Variants in ZNF267 observed in about 807,000 individuals in gnomAD.
ZNF267 encodes the protein zinc finger (C2H2).
ZNF267 carries 61 observed loss-of-function variants against 71.6 expected under a neutral mutation model. The ratio of observed to expected loss-of-function variants is 0.85; its 90% CI spans 0.69 to 1.05. The LOEUF is 1.05. ZNF267 is among the 50% of genes least tolerant of loss of function. The pLI, the probability that ZNF267 is intolerant of heterozygous loss-of-function variation, is 0.00. For missense variants in ZNF267, 852 were observed against 870.0 expected (o/e 0.98, Z 0.26); for synonymous variants, 288 against 293.2 (o/e 0.98, Z 0.18).
intron 3 of ZNF267, among the ~76,000 whole-genome samples, chr16:31,891,145 A>G (rs1252997000): frequency 6.6e-6 from 1 of 152,132 alleles, no homozygotes; most frequent in Non-Finnish European, 1.5e-5. Context: ...CTTAGATAAA[A>G]TATCTTATAT....
chr16:31,908,070 A>G (rs146972411), intron 3 of ZNF267, among the ~76,000 whole-genome samples: 17 of 152,138 alleles, frequency 1.1e-4, no homozygotes, highest in Admixed American at 2.0e-4. Context: ...CTAATAATAA[A>G]TACACTAGGT....
intron 3 of ZNF267, chr16:31,913,201 CAG>C (rs1177770793): frequency 6.6e-6 from 1 of 152,164 alleles, no homozygotes; most frequent in African/African-American, 2.4e-5. Context: ...GTTGTTCTTG[CAG>C]ACTCATAGAG....
At chr16:31,903,091 CT>C (rs1205740394) in intron 3 of ZNF267, among the ~76,000 whole-genome samples, 3 of 152,114 alleles carry the variant, frequency 2.0e-5, no homozygotes, top group Non-Finnish European at 2.9e-5. Flanking sequence ...GATTATGTTT[CT>C]TGAATTTCGT....
At chr16:31,875,472 T>G (rs2083845915) in intron 1 of ZNF267, among the ~76,000 whole-genome samples, 1 of 152,210 alleles carries the variant, frequency 6.6e-6, no homozygotes, top group African/African-American at 2.4e-5. Flanking sequence ...AATCGTTTGC[T>G]GGTATTGAGG....
intron 3 of ZNF267, chr16:31,912,264 T>A (rs2084141272): frequency 6.6e-6 from 1 of 151,764 alleles, no homozygotes; most frequent in African/African-American, 2.4e-5. Flanking sequence ...AGTGTTTGTC[T>A]GGGAAGGTCA....
intron 1 of ZNF267, 82 bp from the exon 2 acceptor site, chr16:31,884,416 C>A: frequency 1.3e-6 from 2 of 1,582,144 alleles, no homozygotes; most frequent in South Asian, 1.1e-5. Flanking sequence ...ATGTCAGAAC[C>A]AATAACTGTC....
intron 3 of ZNF267, chr16:31,912,315 A>G (rs2084141537): frequency 6.6e-6 from 1 of 151,672 alleles, no homozygotes; most frequent in African/African-American, 2.4e-5. Context: ...TTCACGGGAT[A>G]GACTATTCTA....
chr16:31,915,449 A>G lies in ZNF267; in HGVS notation c.1200A>G (p.Arg400=). The G allele has an allele frequency of 6.2e-7, 1 of 1,613,948 alleles. No homozygotes were observed. Residue 400 remains arginine (R), a synonymous_variant, in exon 4 of 4, where the codon AGA becomes AGG. Transcript: ENST00000300870. Reference sequence around the variant, plus strand: ...CCTCCAATCTTATTGTGCATCAGAGAATTCACACTGGAGAGAAACCATACA... The same window carrying G: ...CCTCCAATCTTATTGTGCATCAGAGGATTCACACTGGAGAGAAACCATACA... ...TRSSNLIVHQ[R]IHTGEKPYKC...
intron 3 of ZNF267, among the ~76,000 whole-genome samples, chr16:31,902,532 G>T (rs1380116878): frequency 1.3e-5 from 2 of 151,866 alleles, no homozygotes; most frequent in South Asian, 4.1e-4. Flanking sequence ...GGATTCCTAG[G>T]TATTTTATTC....
At chr16:31,887,592 C>G (rs775766398) in intron 3 of ZNF267, among the ~76,000 whole-genome samples, 76 of 152,050 alleles carry the variant, frequency 5.0e-4, no homozygotes, top group Non-Finnish European at 7.8e-4. Flanking sequence ...AAATTTTATT[C>G]TTTTGCAGAT....
rs1245923951 is a variant in ZNF267, at chr16:31,916,372, G to A, written c.2123G>A (p.Arg708Lys). The A allele has an allele frequency of 6.2e-7, 1 of 1,614,048 alleles. No homozygotes were observed. Among genetic ancestry groups the A allele is most frequent in the East Asian group, 2.2e-5 (1 of 44,860 alleles). The change falls in exon 4 of 4, where the codon AGA becomes AAA. Residue 708 changes from arginine (R) to lysine (K), a missense_variant. By Grantham distance (26) the Arg-to-Lys change is conservative. Coordinates refer to ENST00000300870, the MANE Select transcript of ZNF267 (RefSeq NM_003414.6). ...SYRSYLTTHR[R>K]SHSGERPYKC... is the part of the protein sequence containing the mutation. Reference sequence around the variant, plus strand: ...AGGTCATACCTCACTACACATCGGAGAAGTCATAGTGGAGAGAGACCCTAC... The same window carrying A: ...AGGTCATACCTCACTACACATCGGAAAAGTCATAGTGGAGAGAGACCCTAC...
At chr16:31,905,494 CT>C (rs1258869040) in intron 3 of ZNF267, among the ~76,000 whole-genome samples, 1 of 152,072 alleles carries the variant, frequency 6.6e-6, no homozygotes, top group Non-Finnish European at 1.5e-5. Context: ...TCTTTTTATT[CT>C]TTTTTCTCTA....
chr16:31,901,323 G>A (rs914718830), intron 3 of ZNF267, among the ~76,000 whole-genome samples: 1 of 152,092 alleles, frequency 6.6e-6, no homozygotes, highest in Non-Finnish European at 1.5e-5. Context: ...CCCAGTAATG[G>A]GATGGCTGGG....
intron 1 of ZNF267, chr16:31,874,367 G>A: frequency 5.4e-6 from 1 of 185,908 alleles, no homozygotes; most frequent in Non-Finnish European, 1.1e-5. Flanking sequence ...ATTAAAGGGA[G>A]TCACTGTTAA....
Position 31,905,805 on chromosome 16 carries a change from C to G in ZNF267, c.227-8671C>G, listed in dbSNP as rs1163426618. 8.5e-5 allele frequency among the ~76,000 whole-genome samples: 13 copies of G among 152,324 alleles called. No homozygotes were observed. In the East Asian group the frequency reaches 2.3e-3, roughly 27 times the overall value. ...TCACCTCGTCAAAGTCATTCTCCGT[C>G]CAGCTTTGTTCCATTGATTTTGAGG... On this transcript the variant is annotated intron_variant, in intron 3 of 3. Transcript: ENST00000300870.
intron 3 of ZNF267, among the ~76,000 whole-genome samples, chr16:31,907,341 G>C (rs549659657): frequency 2.6e-5 from 4 of 151,992 alleles, no homozygotes; most frequent in Non-Finnish European, 4.4e-5. Context: ...TATCCCATAG[G>C]TTTACTAGGC....
At position 31,899,100 on chromosome 16, in the gene ZNF267, C is replaced by T. The variant is rs551858762; in HGVS notation, c.226+13844C>T. 3.2e-3 allele frequency among the ~76,000 whole-genome samples: 484 copies of T among 152,206 alleles called. 3 individuals are homozygous for T. Among genetic ancestry groups the T allele is most frequent in the African/African-American group, 0.012 (481 of 41,536 alleles). ...ACAATAATAATGGGAGACTTTAACACCCCACTGTCAATATTAGATCAAGGA... is the reference window on the plus strand; with the variant it reads ...ACAATAATAATGGGAGACTTTAACATCCCACTGTCAATATTAGATCAAGGA... On this transcript the variant is annotated intron_variant, in intron 3 of 3. Coordinates refer to ENST00000300870, the MANE Select transcript of ZNF267 (RefSeq NM_003414.6).
intron 3 of ZNF267, among the ~76,000 whole-genome samples, chr16:31,908,784 T>G (rs994329066): frequency 6.6e-5 from 10 of 152,274 alleles, no homozygotes; most frequent in African/African-American, 2.2e-4. Flanking sequence ...TGTGTGTCTG[T>G]TTTTATGCCA....
At chr16:31,889,427 C>T (rs966508813) in intron 3 of ZNF267, among the ~76,000 whole-genome samples, 5 of 152,152 alleles carry the variant, frequency 3.3e-5, no homozygotes, top group African/African-American at 7.2e-5. Context: ...CTTAGAACTG[C>T]TTTTGTTACA....
Sources: gnomAD v4.1 joint callset for allele counts (sites outside exome capture counted in the v4.1 genomes callset) on GRCh38, gnomAD v4.1.1 for gene constraint, MANE v1.5 for transcripts, NCBI Gene and HGNC (gene_info 2026-07-23, HGNC 2026-07-21) for gene names.